Variants in LNX1 observed in about 807,000 individuals in gnomAD.
LNX1 encodes the protein E3 ubiquitin-protein ligase LNX.
Under a neutral mutation model 68.4 loss-of-function variants are expected in LNX1, and 54 were observed. That is an observed-to-expected ratio of 0.79 (90% CI 0.63 to 0.99). The LOEUF is 0.99. LNX1 is among the 50% of genes least tolerant of loss of function. LNX1 has a pLI of 0.00. For synonymous variants in LNX1, 336 were observed against 350.0 expected, an observed-to-expected ratio of 0.96 and a Z score of 0.45; for missense variants, 906 against 926.4, an observed-to-expected ratio of 0.98 and a Z score of 0.29.
At chr4:53,624,047 T>C (rs1365553074) in intron 1 of LNX1, among the ~76,000 whole-genome samples, 1 of 152,220 alleles carries the variant, frequency 6.6e-6, no homozygotes, top group Non-Finnish European at 1.5e-5. Context: ...TCCTTTTGCT[T>C]GCCTCTCAGA....
chr4:53,461,063 A>AGAT (rs774339088), intron 10 of LNX1, 21 bp from the exon 11 acceptor site: 2 of 1,542,350 alleles, frequency 1.3e-6, no homozygotes, highest in East Asian at 4.6e-5. Context: ...AAACAAAACA[A>AGAT]GATATGATTA....
chr4:53,505,890 C>T (rs927156554), intron 4 of LNX1, among the ~76,000 whole-genome samples: 8 of 152,016 alleles, frequency 5.3e-5, no homozygotes, highest in African/African-American at 1.7e-4. Context: ...AGAGTGGGAG[C>T]GCAGGCTGGA....
intron 9 of LNX1, 28 bp from the exon 10 acceptor site, chr4:53,461,621 G>T: frequency 6.4e-7 from 1 of 1,553,068 alleles, no homozygotes; most frequent in Non-Finnish European, 8.8e-7. Flanking sequence ...CAGTGTACAT[G>T]CATATTTAAG....
At chr4:53,584,592 T>A (rs1732050027) in intron 1 of LNX1, among the ~76,000 whole-genome samples, 1 of 152,140 alleles carries the variant, frequency 6.6e-6, no homozygotes, top group Admixed American at 6.5e-5. Flanking sequence ...TGGGAAGTAA[T>A]CCAGGTGAGA....
intron 5 of LNX1, 48 bp downstream of exon 5, chr4:53,498,593 T>C: frequency 6.9e-7 from 1 of 1,449,818 alleles, no homozygotes. Context: ...TCAGAAGCAT[T>C]TTTTTATATC....
In LNX1 at chr4:53,574,014, G is replaced by T. The variant is rs1439052523; in HGVS notation, c.-12C>A. On this transcript the variant is annotated 5_prime_UTR_variant, in exon 2 of 11. Coordinates refer to ENST00000263925, the MANE Select transcript of LNX1 (RefSeq NM_001126328.3). ...TCTGGCTGGTTCATGATGGATTGGA[G>T]AGCAGTATAACAGGAAACTCAGTCA... 1 of 1,602,290 alleles carries T rather than the reference G, an allele frequency of 6.2e-7. No homozygotes were observed. Among genetic ancestry groups the T allele is most frequent in the Non-Finnish European group, 8.5e-7 (1 of 1,173,670 alleles).
intron 2 of LNX1, chr4:53,602,797 G>T (rs1201779431): frequency 6.6e-6 from 1 of 152,196 alleles, no homozygotes; most frequent in Non-Finnish European, 1.5e-5. Flanking sequence ...GAAACAGAAA[G>T]TCTGTACATC....
At position 53,496,648 on chromosome 4, in the gene LNX1, A is replaced by T. The variant is rs1725086079; in HGVS notation, c.979-254T>A. Reference sequence around the variant, plus strand: ...ACCTTGTTCTTACCCAAGCCCACATATTTATTCCCAGAATCCTAGCCTTCA... The same window carrying T: ...ACCTTGTTCTTACCCAAGCCCACATTTTTATTCCCAGAATCCTAGCCTTCA... On this transcript the variant is annotated intron_variant, in intron 5 of 10. Coordinates refer to ENST00000263925, the MANE Select transcript of LNX1 (RefSeq NM_001126328.3). 8 of 405,738 alleles carry T rather than the reference A, an allele frequency of 2.0e-5. No homozygotes were observed. In the East Asian group the frequency reaches 3.0e-4, roughly 15 times the overall value. 25.1% of individuals were successfully genotyped at this position (405,738 alleles called of 1,614,324 possible).
At chr4:53,638,527 G>T (rs1466235337) in intron 1 of LNX1, among the ~76,000 whole-genome samples, 2 of 152,176 alleles carry the variant, frequency 1.3e-5, no homozygotes, top group Non-Finnish European at 2.9e-5. Context: ...TGACGCTCTG[G>T]CTTCTTGTGT....
At chr4:53,478,811 G>A in intron 7 of LNX1, 69 bp from the exon 8 acceptor site, 2 of 1,472,342 alleles carry the variant, frequency 1.4e-6, no homozygotes, top group Non-Finnish European at 1.9e-6. Flanking sequence ...TGTAGAAAAT[G>A]CAAAGTGGGT....
chr4:53,512,690 A>G (rs925467223), intron 2 of LNX1, among the ~76,000 whole-genome samples: 3 of 152,204 alleles, frequency 2.0e-5, no homozygotes, highest in Admixed American at 6.5e-5. Context: ...GGAGACACTC[A>G]GTCCTAATTT....
chr4:53,518,444 G>A (rs1403231791), intron 2 of LNX1, among the ~76,000 whole-genome samples: 1 of 152,168 alleles, frequency 6.6e-6, no homozygotes, highest in Non-Finnish European at 1.5e-5. Flanking sequence ...CAGAGTTAGT[G>A]TCTGTAAGAA....
intron 1 of LNX1, among the ~76,000 whole-genome samples, chr4:53,649,988 G>A (rs1228225180): frequency 2.0e-5 from 3 of 152,168 alleles, no homozygotes; most frequent in Non-Finnish European, 4.4e-5. Context: ...AAAGGAGCAG[G>A]GACTGCCCAA....
intron 6 of LNX1, among the ~76,000 whole-genome samples, 190 bp downstream of exon 6, chr4:53,495,833 C>T (rs1408893657): frequency 6.6e-6 from 1 of 152,176 alleles, no homozygotes; most frequent in Non-Finnish European, 1.5e-5. Context: ...CATGGGCCAC[C>T]ACGCCCAGCC....
At chr4:53,594,407 G>A (rs1002224472), upstream of LNX1, among the ~76,000 whole-genome samples, 22 of 151,914 alleles carry the variant, frequency 1.4e-4, no homozygotes, top group African/African-American at 4.4e-4. Flanking sequence ...AATTTAATCC[G>A]AGTGGCCATA....
chr4:53,543,640 G>A (rs1728904182), intron 2 of LNX1, among the ~76,000 whole-genome samples: 1 of 151,938 alleles, frequency 6.6e-6, no homozygotes, highest in African/African-American at 2.4e-5. Context: ...CACTGGACAA[G>A]GAAAATCTGT....
At chr4:53,465,260 G>C (rs1579347846) in intron 9 of LNX1, among the ~76,000 whole-genome samples, 1 of 152,068 alleles carries the variant, frequency 6.6e-6, no homozygotes, top group Non-Finnish European at 1.5e-5. Context: ...GAGAAAATAA[G>C]GGTTTGGATC....
At chr4:53,484,195 G>A (rs13117240) in intron 6 of LNX1, among the ~76,000 whole-genome samples, 36,583 of 152,082 alleles carry the variant, frequency 0.24, 4,995 homozygotes, top group South Asian at 0.51. Context: ...CTAGGATAGT[G>A]TATTTTGTTA....
chr4:53,570,006 A>C (rs1473799736), intron 2 of LNX1, among the ~76,000 whole-genome samples: 1 of 152,248 alleles, frequency 6.6e-6, no homozygotes. Context: ...TTGAAAAGTC[A>C]GGAAAGAACA....
Sources: allele counts gnomAD v4.1 joint callset (sites outside exome capture counted in the v4.1 genomes callset), GRCh38; gene constraint gnomAD v4.1.1; transcripts MANE v1.5; gene names NCBI Gene and HGNC (gene_info 2026-07-23, HGNC 2026-07-21).